The following LRRC38 variants were observed in gnomAD, a reference collection of about 807,000 sequenced individuals.
LRRC38 encodes leucine-rich repeat-containing protein 38.
A neutral mutation model predicts 16.4 loss-of-function variants in LRRC38; 5 were observed. The ratio of observed to expected loss-of-function variants is 0.31; its 90% CI spans 0.16 to 0.64. LRRC38 has a LOEUF of 0.64. Among genes scored for constraint, LRRC38 ranks in the 30% least tolerant of loss-of-function variants. LRRC38 has a pLI of 0.80. For missense variants in LRRC38, 341 were observed against 401.8 expected, an observed-to-expected ratio of 0.85 and a Z score of 1.29; for synonymous variants, 191 against 190.2, an observed-to-expected ratio of 1.00 and a Z score of -0.04.
chr1:13,481,907 C>G (rs1255686974), intron 1 of LRRC38, among the ~76,000 whole-genome samples: 1 of 151,910 alleles, frequency 6.6e-6, no homozygotes, highest in East Asian at 1.9e-4. Context: ...CTGCTGGCAC[C>G]CTGATCTCAG....
intron 1 of LRRC38, among the ~76,000 whole-genome samples, chr1:13,486,870 C>A (rs560648006): frequency 1.3e-5 from 2 of 152,214 alleles, no homozygotes; most frequent in African/African-American, 4.8e-5. Flanking sequence ...GGATTACAGG[C>A]GTGTGCCACT....
At chr1:13,496,011 G>A (rs563327860) in intron 1 of LRRC38, among the ~76,000 whole-genome samples, 2 of 152,194 alleles carry the variant, frequency 1.3e-5, no homozygotes, top group Admixed American at 1.3e-4. Context: ...CTAATGAACA[G>A]GAAACCCAGG....
Position 13,487,525 on chromosome 1 carries a change from G to T in LRRC38, c.632-11426C>A, listed in dbSNP as rs756393126. Among the ~76,000 whole-genome samples the T allele has an allele frequency of 6.6e-6, 1 of 152,140 alleles. No homozygotes were observed. The highest frequency in any genetic ancestry group is 1.5e-5 in the Non-Finnish European group (1 of 68,030). On this transcript the variant is annotated intron_variant, in intron 1 of 1. Transcript: ENST00000376085. This position sits in a 1 kb window ranked among gnomAD's most constrained non-coding sequence, Gnocchi z 4.4. ...GCCTAGGCAGAACAGGGCCCACAGCGCCCTCCCCTTATAACCACGACTTCC... is the reference window on the plus strand; with the variant it reads ...GCCTAGGCAGAACAGGGCCCACAGCTCCCTCCCCTTATAACCACGACTTCC...
In LRRC38 at chr1:13,482,195, AG is replaced by A. The variant is rs1638877918; in HGVS notation, c.632-6097del. Among the ~76,000 whole-genome samples, 2 of 152,124 alleles carry A rather than the reference AG, an allele frequency of 1.3e-5. 1 individual carries two copies. Among genetic ancestry groups the A allele is most frequent in the African/African-American group, 4.8e-5 (2 of 41,416 alleles). ...GAGAGTGGGAGGAAGAGAGAGAGAC[AG>A]AGAGAGGTGGCCCTGGCCTCTTGGA... On this transcript the variant is annotated intron_variant, in intron 1 of 1. Transcript: ENST00000376085.
intron 1 of LRRC38, among the ~76,000 whole-genome samples, chr1:13,498,918 C>T (rs1288773912): frequency 2.0e-5 from 3 of 152,136 alleles, no homozygotes; most frequent in African/African-American, 4.8e-5. Flanking sequence ...CCACTGGCTC[C>T]GGTGGTTTGC....
At position 13,513,358 on chromosome 1, in the gene LRRC38, T is replaced by C. The variant is rs1225162320; in HGVS notation, c.236A>G (p.Tyr79Cys). The C allele has an allele frequency of 4.5e-6, 7 of 1,550,564 alleles. No individual in the cohort carries two copies. In the Admixed American group the frequency reaches 5.9e-5, roughly 13 times the overall value. Residue 79 changes from tyrosine (Y) to cysteine (C), a missense_variant, in exon 1 of 2, where the codon TAC becomes TGC. By Grantham distance (194) the Tyr-to-Cys change is radical. Coordinates refer to ENST00000376085, the MANE Select transcript of LRRC38 (RefSeq NM_001010847.2). The part of the protein sequence containing the change: ...QRIPEDFFIF[Y>C]GDLVYLDFRN... ...GAAGTCCAGGTAGACCAGGTCGCCG[T>C]AGAAGATGAAGAAGTCCTCGGGGAT...
intron 1 of LRRC38, among the ~76,000 whole-genome samples, chr1:13,481,680 T>C (rs145674008): frequency 0.01 from 1,579 of 151,998 alleles, 45 homozygotes; most frequent in South Asian, 0.093. Context: ...CAGGCATGAG[T>C]CACCGTGCCC....
chr1:13,513,519 C>T lies in LRRC38; in HGVS notation c.75G>A (p.Gly25=). 2 of 1,442,294 alleles carry T rather than the reference C, an allele frequency of 1.4e-6. No homozygotes were observed. The highest frequency in any genetic ancestry group is 2.6e-5 in the East Asian group (1 of 38,992). The allele number at this position is 1,442,294 out of a possible 1,614,324, so 89.3% of individuals were successfully genotyped here. The change falls in exon 1 of 2, where the codon GGG becomes GGA. Residue 25 remains glycine (G), a synonymous_variant. Coordinates refer to ENST00000376085, the MANE Select transcript of LRRC38 (RefSeq NM_001010847.2). ...AGGCGCAGCCCGCGGGGCACGCGTG[C>T]CCGGGCGCGAGCAGCAGCAGAAGGC... ...LCSLLLLLAP[G]HACPAGCACT...
At chr1:13,497,895 G>A (rs1639098504) in intron 1 of LRRC38, among the ~76,000 whole-genome samples, 1 of 148,922 alleles carries the variant, frequency 6.7e-6, no homozygotes, top group Non-Finnish European at 1.5e-5. Context: ...TGGAGGCCGA[G>A]GTTGCCGTGA....
At chr1:13,510,786 A>G (rs1369189620) in intron 1 of LRRC38, among the ~76,000 whole-genome samples, 1 of 152,186 alleles carries the variant, frequency 6.6e-6, no homozygotes, top group East Asian at 1.9e-4. Flanking sequence ...CCACATTCTG[A>G]ATCCAGATGC....
rs545391797 is a variant in LRRC38 at position 13,483,119 on chromosome 1, G to A, written c.632-7020C>T. Reference sequence around the variant, plus strand: ...CCAGCCCCTCCCAACAAGCTCCCTCGAGGCACAGTGTCTTTTTTTTTTAAT... The same window carrying A: ...CCAGCCCCTCCCAACAAGCTCCCTCAAGGCACAGTGTCTTTTTTTTTTAAT... On this transcript the variant is annotated intron_variant, in intron 1 of 1. Transcript: ENST00000376085. 1.3e-4 allele frequency among the ~76,000 whole-genome samples: 20 copies of A among 151,922 alleles called. 1 individual carries two copies. Among genetic ancestry groups the A allele is most frequent in the African/African-American group, 4.1e-4 (17 of 41,318 alleles).
intron 1 of LRRC38, among the ~76,000 whole-genome samples, chr1:13,493,251 C>T (rs371639): frequency 0.5 from 75,733 of 151,836 alleles, 21,785 homozygotes; most frequent in Middle Eastern, 0.67. Flanking sequence ...CACCTGGTGG[C>T]CTTCAGCGGG....
At chr1:13,511,184 C>T (rs900381675) in intron 1 of LRRC38, among the ~76,000 whole-genome samples, 1 of 152,210 alleles carries the variant, frequency 6.6e-6, no homozygotes, top group Non-Finnish European at 1.5e-5. Context: ...AGGAACATTT[C>T]ACTTCCATTG....
At chr1:13,497,685 G>A (rs759553203) in intron 1 of LRRC38, among the ~76,000 whole-genome samples, 2 of 151,944 alleles carry the variant, frequency 1.3e-5, no homozygotes, top group African/African-American at 2.4e-5. Context: ...ACGCTGAAAT[G>A]ACATTTTGGG....
chr1:13,505,690 G>A (rs1449952417), intron 1 of LRRC38, among the ~76,000 whole-genome samples: 1 of 152,214 alleles, frequency 6.6e-6, no homozygotes, highest in Non-Finnish European at 1.5e-5. Context: ...ACAAGAAGAT[G>A]TGACCAAGAG....
chr1:13,497,165 C>T (rs562321120), intron 1 of LRRC38, among the ~76,000 whole-genome samples: 2 of 152,234 alleles, frequency 1.3e-5, no homozygotes, highest in East Asian at 3.9e-4. Context: ...TTTACTTCTG[C>T]TCTTCATGAT....
intron 1 of LRRC38, among the ~76,000 whole-genome samples, chr1:13,495,928 T>C (rs183684657): frequency 6.6e-6 from 1 of 152,250 alleles, no homozygotes; most frequent in East Asian, 1.9e-4. Flanking sequence ...GTCTCTACTT[T>C]TGAGAGTTGA....
At chr1:13,488,106 G>A (rs2100499110) in intron 1 of LRRC38, among the ~76,000 whole-genome samples, 1 of 150,680 alleles carries the variant, frequency 6.6e-6, no homozygotes, top group East Asian at 2.0e-4. Flanking sequence ...CACTCTGTCG[G>A]ATAACCATAC....
chr1:13,491,092 C>T (rs1045675738), intron 1 of LRRC38, among the ~76,000 whole-genome samples: 6 of 152,320 alleles, frequency 3.9e-5, no homozygotes, highest in African/African-American at 1.2e-4. Context: ...AATGGTTCTC[C>T]GCTGGGGGTA....
Sources: allele counts gnomAD v4.1 joint callset (sites outside exome capture counted in the v4.1 genomes callset), GRCh38; gene constraint gnomAD v4.1.1; non-coding constraint Gnocchi (gnomAD v3.1); transcripts MANE v1.5; gene names NCBI Gene and HGNC (gene_info 2026-07-23, HGNC 2026-07-21).